GSE1: variants seen among roughly 807,000 people sequenced by gnomAD.
GSE1 encodes the protein Gse1 coiled-coil protein, also known as genetic suppressor element 1.
In GSE1, 32 loss-of-function variants were observed where a neutral mutation model predicts 112.6. The observed-to-expected ratio is 0.28, with a 90% CI of 0.21 to 0.38. The LOEUF (loss-of-function observed/expected upper bound fraction) is 0.38. Ranked by LOEUF, GSE1 falls within the 10% of genes least tolerant of loss-of-function variation. GSE1 has a pLI of 1.00. For synonymous variants in GSE1, 1,115 were observed against 735.6 expected (o/e 1.52, Z -8.35); for missense variants, 2,348 against 1,699.2 (o/e 1.38, Z -6.71).
chr16:85,641,064 T>C (rs759825012), intron 2 of GSE1, among the ~76,000 whole-genome samples: 2 of 152,240 alleles, frequency 1.3e-5, no homozygotes, highest in Non-Finnish European at 2.9e-5. Context: ...TTTGGGGGCC[T>C]GTCCTGGGAT....
At chr16:85,331,551 AT>A (rs2046360507) in intron 1 of GSE1, among the ~76,000 whole-genome samples, 3 of 90,562 alleles carry the variant, frequency 3.3e-5, no homozygotes, top group African/African-American at 1.3e-4. Context: ...ATGTGTGTAT[AT>A]ATGTGTATAT....
intron 2 of GSE1, among the ~76,000 whole-genome samples, chr16:85,499,122 G>T (rs1217061098): frequency 6.7e-6 from 1 of 150,104 alleles, no homozygotes; most frequent in Non-Finnish European, 1.5e-5. Context: ...AAGCCCCTTG[G>T]TATCCCCTGA....
chr16:85,321,728 C>T lies in GSE1; in HGVS notation c.2284-35735C>T, dbSNP rs147924224. ...ACTTGGGTGGCTGAGGCAGGGGGAT[C>T]GCTTGAGCCCAGGACTTTTGTGCCA... On this transcript the variant is annotated intron_variant, in intron 1 of 2. Coordinates refer to the GSE1 transcript ENST00000637419. 2.7e-5 allele frequency among the ~76,000 whole-genome samples: 4 copies of T among 150,252 alleles called. No homozygotes were observed. In the East Asian group the frequency reaches 7.8e-4, roughly 29 times the overall value.
At chr16:85,233,824 G>A (rs1300857585) in intron 1 of GSE1, among the ~76,000 whole-genome samples, 1 of 152,192 alleles carries the variant, frequency 6.6e-6, no homozygotes, top group Non-Finnish European at 1.5e-5. Flanking sequence ...GAGGCTGCCT[G>A]CTCAGCCCAA....
chr16:85,570,484 T>C (rs1379975343), intron 1 of GSE1, among the ~76,000 whole-genome samples: 1 of 152,214 alleles, frequency 6.6e-6, no homozygotes, highest in African/African-American at 2.4e-5. Flanking sequence ...ATGAAAAGCA[T>C]GTGCGGTTTT....
intron 1 of GSE1, among the ~76,000 whole-genome samples, chr16:85,616,379 G>A (rs531975295): frequency 2.0e-5 from 3 of 152,332 alleles, no homozygotes; most frequent in Non-Finnish European, 2.9e-5. Context: ...CCAGGAGCTC[G>A]CAGGGGCTTG....
intron 2 of GSE1, among the ~76,000 whole-genome samples, chr16:85,422,750 G>C (rs898380577): frequency 1.3e-5 from 2 of 152,134 alleles, no homozygotes; most frequent in African/African-American, 4.8e-5. Flanking sequence ...CCGGAGCCAG[G>C]GAGTGAGGAG....
chr16:85,550,577 G>T (rs1016895701), intron 2 of GSE1, among the ~76,000 whole-genome samples: 27 of 152,156 alleles, frequency 1.8e-4, no homozygotes, highest in Middle Eastern at 3.4e-3. Flanking sequence ...CTCTCCAGAG[G>T]GGGGGGTTGT....
At chr16:85,587,679 C>T (rs1598289745) in intron 1 of GSE1, among the ~76,000 whole-genome samples, 1 of 152,278 alleles carries the variant, frequency 6.6e-6, no homozygotes, top group East Asian at 1.9e-4. Flanking sequence ...GAAGGTTCTG[C>T]CACCGAGAAC....
chr16:85,347,090 G>A (rs544441133), intron 1 of GSE1, among the ~76,000 whole-genome samples: 1 of 152,194 alleles, frequency 6.6e-6, no homozygotes, highest in Admixed American at 6.5e-5. Flanking sequence ...CAGGAAGGCC[G>A]CTGCTCGGTG....
At chr16:85,457,363 G>T (rs1227908716) in intron 2 of GSE1, among the ~76,000 whole-genome samples, 2 of 152,210 alleles carry the variant, frequency 1.3e-5, no homozygotes, top group Non-Finnish European at 2.9e-5. Context: ...GACCGCAGCT[G>T]TCAGCCTGGC....
intron 1 of GSE1, among the ~76,000 whole-genome samples, chr16:85,598,560 C>G (rs1221194940): frequency 5.9e-5 from 9 of 152,248 alleles, no homozygotes; most frequent in Admixed American, 5.2e-4. Context: ...TGAGCAGGAA[C>G]TTCTAATCCG....
At position 85,453,456 on chromosome 16, in the gene GSE1, G is replaced by A. The variant is rs2049741323; in HGVS notation, c.2464+95813G>A. On this transcript the variant is annotated intron_variant, in intron 2 of 2. Coordinates refer to the GSE1 transcript ENST00000637419. Reference sequence around the variant, plus strand: ...GCAGCAGGGAGGGTTGGGGTATGGGGCTGCTTGTGGGGGCTGGGTCCCAGC... The same window carrying A: ...GCAGCAGGGAGGGTTGGGGTATGGGACTGCTTGTGGGGGCTGGGTCCCAGC... 2.0e-5 allele frequency among the ~76,000 whole-genome samples: 3 copies of A among 152,188 alleles called. No homozygotes were observed. In the South Asian group the frequency reaches 6.2e-4, roughly 31 times the overall value.
At chr16:85,555,225 A>G (rs2045141168), upstream of GSE1, 2 of 985,294 alleles carry the variant, frequency 2.0e-6, no homozygotes, top group South Asian at 4.7e-5. Flanking sequence ...TGATTCTTGC[A>G]TGAAAATTGA....
At chr16:85,184,410 A>G (rs532270580) in intron 1 of GSE1, among the ~76,000 whole-genome samples, 36 of 152,320 alleles carry the variant, frequency 2.4e-4, no homozygotes, top group African/African-American at 6.5e-4. Flanking sequence ...TTCCCTCAGG[A>G]TGTGGAGAGA....
chr16:85,663,262 G>A, intron 10 of GSE1, 82 bp from the exon 11 acceptor site: 1 of 1,488,860 alleles, frequency 6.7e-7, no homozygotes, highest in Non-Finnish European at 9.2e-7. Flanking sequence ...ACACTTCGAG[G>A]ACCCCAGGAG....
At chr16:85,245,883 G>C (rs1171145287) in intron 1 of GSE1, among the ~76,000 whole-genome samples, 3 of 151,854 alleles carry the variant, frequency 2.0e-5, no homozygotes, top group Non-Finnish European at 4.4e-5. Flanking sequence ...GTGTGCGTGT[G>C]TGTGTGTGCG....
At chr16:85,357,894 C>A (rs2046984043) in intron 2 of GSE1, among the ~76,000 whole-genome samples, 1 of 152,090 alleles carries the variant, frequency 6.6e-6, no homozygotes, top group African/African-American at 2.4e-5. Context: ...GGCTCCTGGG[C>A]TGCCTTTGTT....
chr16:85,491,481 T>A (rs1220754738), intron 2 of GSE1, among the ~76,000 whole-genome samples: 1 of 152,136 alleles, frequency 6.6e-6, no homozygotes, highest in Non-Finnish European at 1.5e-5. Flanking sequence ...GAAGGTGATA[T>A]GTGCCAGATG....
Sources: gnomAD v4.1 joint callset for allele counts (sites outside exome capture counted in the v4.1 genomes callset) on GRCh38, gnomAD v4.1.1 for gene constraint, MANE v1.5 for transcripts, NCBI Gene and HGNC (gene_info 2026-07-23, HGNC 2026-07-21) for gene names.